ADGRE5: variants seen among roughly 807,000 people sequenced by gnomAD.
ADGRE5 encodes the protein adhesion G protein-coupled receptor E5.
ADGRE5 carries 72 observed loss-of-function variants against 100.3 expected under a neutral mutation model. The ratio of observed to expected loss-of-function variants is 0.72; its 90% CI spans 0.59 to 0.87. The LOEUF is 0.87. Among genes scored for constraint, ADGRE5 ranks in the 40% least tolerant of loss-of-function variants. ADGRE5 has a pLI of 0.00. For missense variants in ADGRE5, 959 were observed against 1,094.7 expected, an observed-to-expected ratio of 0.88 and a Z score of 1.75; for synonymous variants, 439 against 447.8, an observed-to-expected ratio of 0.98 and a Z score of 0.25.
chr19:14,382,624 A>G (rs1271350473), intron 1 of ADGRE5, among the ~76,000 whole-genome samples: 4 of 152,108 alleles, frequency 2.6e-5, no homozygotes, highest in Admixed American at 2.6e-4. Flanking sequence ...GCACTTTGAG[A>G]GGCCGAGGCA....
chr19:14,389,866 C>T (rs566051857), intron 3 of ADGRE5, among the ~76,000 whole-genome samples: 1 of 151,816 alleles, frequency 6.6e-6, no homozygotes, highest in Non-Finnish European at 1.5e-5. Flanking sequence ...GTTGGGAGTT[C>T]GAGACCAGCC....
In ADGRE5 at chr19:14,407,065, C is replaced by A. The variant is rs1390730311; in HGVS notation, c.2212C>A (p.Leu738Met). ...DMKKLKKARALTITAIAQLFL... is the reference protein window; with the variant it reads ...DMKKLKKARAMTITAIAQLFL... ...CTGCAACCCCGCTCCTCGCAGGGCGCTGACCATCACGGCCATCGCGCAGCT... is the reference window on the plus strand; with the variant it reads ...CTGCAACCCCGCTCCTCGCAGGGCGATGACCATCACGGCCATCGCGCAGCT... Residue 738 changes from leucine to methionine, a missense_variant, in exon 18 of 20, where the codon CTG becomes ATG. Coordinates refer to ENST00000242786, the MANE Select transcript of ADGRE5 (RefSeq NM_078481.4). 5 of 1,614,020 alleles carry A rather than the reference C, an allele frequency of 3.1e-6. No homozygotes were observed. Among genetic ancestry groups the A allele is most frequent in the Non-Finnish European group, 8.5e-7 (1 of 1,180,062 alleles).
chr19:14,406,438 CGTGTT>C lies in ADGRE5; in HGVS notation c.1930_1934del (p.Val644ProfsTer44). 6.3e-7 allele frequency: 1 copy of C among 1,586,050 alleles called. No homozygotes were observed. Among genetic ancestry groups the C allele is most frequent in the Admixed American group, 1.8e-5 (1 of 55,304 alleles). The stretch of plus-strand genomic sequence containing the variant: ...TGGAGCTCTACTTTCTTGTGGTGCG[CGTGTT>C]CCAAGGCCAGGGCCTGAGTACGCGC... On this transcript the variant is annotated frameshift_variant, in exon 15 of 20. Transcript: ENST00000242786. LOFTEE classifies it high-confidence loss of function. The surrounding 1 kb of genome is among the most constrained non-coding windows in gnomAD (Gnocchi z 6.0).
chr19:14,401,778 G>C lies in ADGRE5; in HGVS notation c.1183+18G>C. The C allele has an allele frequency of 1.3e-6, 2 of 1,506,468 alleles. No homozygotes were observed. Among genetic ancestry groups the C allele is most frequent in the Non-Finnish European group, 1.8e-6 (2 of 1,117,572 alleles). 93.3% of individuals were successfully genotyped at this position (1,506,468 alleles called of 1,614,324 possible). On this transcript the variant is annotated intron_variant, in intron 11 of 19. Coordinates refer to ENST00000242786, the MANE Select transcript of ADGRE5 (RefSeq NM_078481.4). The surrounding 1 kb of genome is among the most constrained non-coding windows in gnomAD (Gnocchi z 4.1). Reference sequence around the variant, plus strand: ...GGATCCAGGTAGCAGCGGTGGTCTGGAGGGGGAGCCCGTGGGAGAGAGATG... The same window carrying C: ...GGATCCAGGTAGCAGCGGTGGTCTGCAGGGGGAGCCCGTGGGAGAGAGATG...
At chr19:14,391,314 A>T in intron 4 of ADGRE5, 1 of 574,938 alleles carries the variant, frequency 1.7e-6, no homozygotes, top group Non-Finnish European at 3.1e-6. Flanking sequence ...CAAGTGTATG[A>T]CGTTGGCCAG....
At chr19:14,390,145 A>AGGAG (rs1975548317) in intron 3 of ADGRE5, among the ~76,000 whole-genome samples, 1 of 131,926 alleles carries the variant, frequency 7.6e-6, no homozygotes, top group Non-Finnish European at 1.6e-5. Context: ...GAGGGAGGGA[A>AGGAG]GGAGGGAGGA....
intron 11 of ADGRE5, among the ~76,000 whole-genome samples, chr19:14,402,363 G>T (rs111717059): frequency 3.3e-5 from 5 of 150,882 alleles, no homozygotes; most frequent in African/African-American, 1.2e-4. Flanking sequence ...TGAACCTGGG[G>T]AGTGGAGGTT....
Position 14,398,095 on chromosome 19 carries a change from C to G in ADGRE5, c.853C>G (p.Leu285Val), listed in dbSNP as rs931941016. 3.7e-6 allele frequency: 6 copies of G among 1,614,014 alleles called. No homozygotes were observed. The Admixed American group carries it at 8.3e-5, about 22-fold the overall frequency. Residue 285 changes from leucine to valine, a missense_variant, in exon 9 of 20, where the codon CTG becomes GTG. Leu to Val is a conservative substitution (Grantham distance 32). Transcript: ENST00000242786. Reference sequence around the variant, plus strand: ...CCGATTCTTCGACAAAGTCCAGGACCTGGGCAGAGACTCCAAGACAAGCTC... The same window carrying G: ...CCGATTCTTCGACAAAGTCCAGGACGTGGGCAGAGACTCCAAGACAAGCTC... Reference protein sequence around the residue: ...LSRFFDKVQDLGRDSKTSSAE... With the variant: ...LSRFFDKVQDVGRDSKTSSAE...
At chr19:14,405,986 C>G (rs1976214494) in intron 14 of ADGRE5, 47 bp downstream of exon 14, 1 of 1,538,082 alleles carries the variant, frequency 6.5e-7, no homozygotes, top group East Asian at 2.3e-5. Flanking sequence ...TCAGGGAGGC[C>G]TGGGAGGGGT....
rs761989966 is a variant in ADGRE5, at chr19:14,401,769, G to C, written c.1183+9G>C. 7.2e-6 allele frequency: 11 copies of C among 1,537,062 alleles called. No individual in the cohort carries two copies. The highest frequency in any genetic ancestry group is 8.8e-6 in the Non-Finnish European group (10 of 1,139,936). ...TGGAGCCGAGGATCCAGGTAGCAGC[G>C]GTGGTCTGGAGGGGGAGCCCGTGGG... On this transcript the variant is annotated intron_variant, in intron 11 of 19. Transcript: ENST00000242786. The surrounding 1 kb of genome is among the most constrained non-coding windows in gnomAD (Gnocchi z 4.1).
In ADGRE5 at chr19:14,388,827, G is replaced by A. The variant is rs775824559; in HGVS notation, c.190+9G>A. The A allele has an allele frequency of 1.2e-5, 20 of 1,611,880 alleles. No individual in the cohort carries two copies. In the Admixed American group the frequency reaches 3.2e-4, roughly 26 times the overall value. On this transcript the variant is annotated intron_variant, in intron 3 of 19. Coordinates refer to ENST00000242786, the MANE Select transcript of ADGRE5 (RefSeq NM_078481.4). ...GACGGAGACTTGTGACGGTACAGAG[G>A]CTTGAGGGCAGCGCAGGGGACATCC...
rs952136799 is a variant in ADGRE5, at chr19:14,403,415, C to T, written c.1449+553C>T. On this transcript the variant is annotated intron_variant, in intron 12 of 19. Transcript: ENST00000242786. ...TGGCCCAGGCTGGAGTGCAGTGGCG[C>T]GATTATAGCTCACTGCAACCTCGAA... Among the ~76,000 whole-genome samples the T allele has an allele frequency of 5.9e-5, 9 of 152,132 alleles. No individual in the cohort carries two copies. In the South Asian group the frequency reaches 8.3e-4, roughly 14 times the overall value.
chr19:14,382,872 A>G (rs1401978599), intron 1 of ADGRE5, among the ~76,000 whole-genome samples: 1 of 151,828 alleles, frequency 6.6e-6, no homozygotes, highest in East Asian at 1.9e-4. Context: ...GCCTGCCACC[A>G]TGCCCGGCTA....
In ADGRE5 at chr19:14,401,210, G is replaced by A. The variant is rs16979634; in HGVS notation, c.898-176G>A. On this transcript the variant is annotated intron_variant, in intron 9 of 19. Transcript: ENST00000242786. The surrounding 1 kb of genome is among the most constrained non-coding windows in gnomAD (Gnocchi z 4.1). ...CAGTGTTAAGCGCTGTGATTCATAC[G>A]TGCATGCAGGCAAATACTCAATCCG... is the stretch of plus-strand genomic sequence containing the variant. Among the ~76,000 whole-genome samples the A allele has an allele frequency of 0.11, 16,603 of 152,218 alleles. 2,073 individuals are homozygous for A. The highest frequency in any genetic ancestry group is 0.3 in the African/African-American group (12,583 of 41,486).
chr19:14,382,223 CA>C (rs1190771171), intron 1 of ADGRE5, among the ~76,000 whole-genome samples: 1 of 152,168 alleles, frequency 6.6e-6, no homozygotes, highest in Admixed American at 6.6e-5. Context: ...ACATTTGGGG[CA>C]AAAACCAGAA....
intron 18 of ADGRE5, among the ~76,000 whole-genome samples, chr19:14,407,562 A>G (rs1976316370): frequency 6.6e-6 from 1 of 151,486 alleles, no homozygotes; most frequent in African/African-American, 2.4e-5. Flanking sequence ...AGGCAGGAGA[A>G]TCATTTGAAC....
In ADGRE5 at chr19:14,408,251, G is replaced by C; in HGVS notation, c.*130G>C. 1 of 1,051,234 alleles carries C rather than the reference G, an allele frequency of 9.5e-7. No individual in the cohort carries two copies. Among genetic ancestry groups the C allele is most frequent in the South Asian group, 1.4e-5 (1 of 73,770 alleles). The allele number at this position is 1,051,234 out of a possible 1,614,324, so 65.1% of individuals were successfully genotyped here. On this transcript the variant is annotated 3_prime_UTR_variant, in exon 20 of 20. Transcript: ENST00000242786. ...CCCTCCCTGATCCCGTGTGCCACCA[G>C]GAGGGAGTGGCAGCTATAGTCTGGC... is the stretch of plus-strand genomic sequence containing the variant.
At chr19:14,392,103 GAA>G (rs571212543) in intron 4 of ADGRE5, among the ~76,000 whole-genome samples, 18 of 64,518 alleles carry the variant, frequency 2.8e-4, no homozygotes, top group African/African-American at 3.4e-4. Context: ...GACTCTGTCT[GAA>G]AAAAAAAAAA....
At chr19:14,395,911 G>A (rs1355374926) in intron 4 of ADGRE5, among the ~76,000 whole-genome samples, 1 of 152,204 alleles carries the variant, frequency 6.6e-6, no homozygotes, top group Non-Finnish European at 1.5e-5. Flanking sequence ...ATCCTGCTAG[G>A]GCCACCAGGA....
Sources: allele counts gnomAD v4.1 joint callset (sites outside exome capture counted in the v4.1 genomes callset), GRCh38; gene constraint gnomAD v4.1.1; non-coding constraint Gnocchi (gnomAD v3.1); transcripts MANE v1.5; gene names NCBI Gene and HGNC (gene_info 2026-07-23, HGNC 2026-07-21).